Variants in FAM177A1 observed in about 807,000 individuals in gnomAD.
FAM177A1 encodes family with sequence similarity 177 member A1.
Under a neutral mutation model 26.1 loss-of-function variants are expected in FAM177A1, and 22 were observed. The observed-to-expected ratio is 0.84, with a 90% CI of 0.60 to 1.20. FAM177A1 has a LOEUF of 1.20. Among genes scored for constraint, FAM177A1 ranks in the 50% most tolerant of loss-of-function variants. The pLI, the probability that FAM177A1 is intolerant of heterozygous loss-of-function variation, is 0.00. For synonymous variants in FAM177A1, 95 were observed against 99.3 expected, an observed-to-expected ratio of 0.96 and a Z score of 0.26; for missense variants, 296 against 291.1, an observed-to-expected ratio of 1.02 and a Z score of -0.12.
At chr14:35,074,053 T>G (rs866013256) in intron 2 of FAM177A1, among the ~76,000 whole-genome samples, 1 of 152,264 alleles carries the variant, frequency 6.6e-6, no homozygotes, top group African/African-American at 2.4e-5. Context: ...AGCCATCCTT[T>G]GCTGGCATTA....
chr14:35,047,647 G>A (rs963396302), intron 1 of FAM177A1, among the ~76,000 whole-genome samples: 1 of 152,148 alleles, frequency 6.6e-6, no homozygotes, highest in Non-Finnish European at 1.5e-5. Context: ...TACTCGGGAG[G>A]CTGAGGCAGG....
chr14:35,081,084 T>A lies in FAM177A1; in HGVS notation c.567T>A (p.Asn189Lys). ...AAGCAGAAAAACAATATCAACAGAA[T>A]AAATTGCAGACTGATTCCATTGTTC... ...SEEAEKQYQQ[N>K]KLQTDSIVQT... Residue 189 changes from asparagine to lysine, a missense_variant, in exon 5 of 5, where the codon AAT becomes AAA. Asn to Lys is a moderately conservative substitution (Grantham distance 94). Coordinates refer to ENST00000280987, the MANE Select transcript of FAM177A1 (RefSeq NM_173607.5). 1 of 1,613,382 alleles carries A rather than the reference T, an allele frequency of 6.2e-7. No individual in the cohort carries two copies. Among genetic ancestry groups the A allele is most frequent in the Non-Finnish European group, 8.5e-7 (1 of 1,179,762 alleles).
intron 1 of FAM177A1, among the ~76,000 whole-genome samples, chr14:35,047,788 A>C (rs1252053095): frequency 1.3e-5 from 2 of 148,768 alleles, no homozygotes; most frequent in Admixed American, 6.7e-5. Context: ...ACAACAAAAA[A>C]AAAACCCTTG....
At chr14:35,076,168 A>G (rs1334337786) in intron 2 of FAM177A1, among the ~76,000 whole-genome samples, 1 of 152,204 alleles carries the variant, frequency 6.6e-6, no homozygotes, top group South Asian at 2.1e-4. Flanking sequence ...CACTATTCAC[A>G]ATAGCAAAGA....
chr14:35,077,404 C>T (rs2045412940), intron 3 of FAM177A1, among the ~76,000 whole-genome samples, 188 bp downstream of exon 3: 1 of 150,612 alleles, frequency 6.6e-6, no homozygotes, highest in African/African-American at 2.4e-5. Flanking sequence ...CTTCAGCTTC[C>T]AATATAGTTT....
Position 35,046,536 on chromosome 14 carries a change from G to C in FAM177A1, c.73G>C (p.Asp25His). The part of the protein sequence containing the change: ...ASSPVVATTM[D>H]QEPVGGVERG... ...CAGCCCTGTGGTGGCGACGACGATG[G>C]ACCAGGAGCCAGTGGGCGGTGTGGA... The change falls in exon 1 of 5, where the codon GAC (aspartate) becomes CAC (histidine). Residue 25 changes from aspartate to histidine, a missense_variant. Asp to His is a moderately conservative substitution (Grantham distance 81, BLOSUM62 -1). Coordinates refer to ENST00000280987, the MANE Select transcript of FAM177A1 (RefSeq NM_173607.5). 3 of 1,602,854 alleles carry C rather than the reference G, an allele frequency of 1.9e-6. No homozygotes were observed. Among genetic ancestry groups the C allele is most frequent in the Non-Finnish European group, 2.6e-6 (3 of 1,176,320 alleles).
intron 1 of FAM177A1, among the ~76,000 whole-genome samples, chr14:35,048,829 G>C (rs1012343464): frequency 2.0e-5 from 3 of 151,480 alleles, no homozygotes; most frequent in African/African-American, 7.3e-5. Context: ...GGGAGTAAGA[G>C]ATAGGAGATA....
rs2045501200 is a variant in FAM177A1 at position 35,082,546 on chromosome 14, C to G, written c.*1318C>G. 6.8e-6 allele frequency: 1 copy of G among 147,062 alleles called. No individual in the cohort carries two copies. The highest frequency in any genetic ancestry group is 1.5e-5 in the Non-Finnish European group (1 of 66,412). The allele number at this position is 147,062 out of a possible 1,614,324, so 9.1% of individuals were successfully genotyped here. ...AAAAGTATATATATATACACACACA[C>G]AGACACACACACACACACATATATC... On this transcript the variant is annotated 3_prime_UTR_variant, in exon 5 of 5. Coordinates refer to ENST00000280987, the MANE Select transcript of FAM177A1 (RefSeq NM_173607.5).
chr14:35,059,690 C>T (rs538604078), intron 2 of FAM177A1, among the ~76,000 whole-genome samples: 6 of 151,788 alleles, frequency 4.0e-5, no homozygotes, highest in African/African-American at 4.8e-5. Context: ...CACGCCACCA[C>T]GTCCTGCTAA....
In FAM177A1 at chr14:35,053,357, A is replaced by T. The variant is rs750313607; in HGVS notation, c.245A>T (p.His82Leu). The change falls in exon 2 of 5, where the codon CAC becomes CTC. Residue 82 changes from histidine to leucine, a missense_variant. Physicochemically the swap from His to Leu is moderately conservative, Grantham distance 99. Coordinates refer to ENST00000280987, the MANE Select transcript of FAM177A1 (RefSeq NM_173607.5). ...KKKKVPRRVI[H>L]FVSGETMEEY... is the part of the protein sequence containing the mutation. Reference sequence around the variant, plus strand: ...AAGAAAGTCCCAAGGAGAGTCATCCACTTTGTTAGTGGTGAAACAATGGAA... The same window carrying T: ...AAGAAAGTCCCAAGGAGAGTCATCCTCTTTGTTAGTGGTGAAACAATGGAA... The T allele has an allele frequency of 1.9e-6, 3 of 1,614,164 alleles. No individual in the cohort carries two copies. The highest frequency in any genetic ancestry group is 2.2e-5 in the South Asian group (2 of 91,090).
At chr14:35,053,487 C>A in intron 2 of FAM177A1, 36 bp downstream of exon 2, 1 of 1,599,808 alleles carries the variant, frequency 6.3e-7, no homozygotes. Context: ...CCTCAGTGGG[C>A]TTTGTTTTGA....
chr14:35,056,594 A>G (rs2045065600), intron 2 of FAM177A1, among the ~76,000 whole-genome samples: 1 of 152,012 alleles, frequency 6.6e-6, no homozygotes. Flanking sequence ...CCTGACCTCA[A>G]ATGATCCCCT....
At chr14:35,045,824 C>A (rs1455964720), upstream of FAM177A1, among the ~76,000 whole-genome samples, 2 of 152,198 alleles carry the variant, frequency 1.3e-5, no homozygotes, top group Non-Finnish European at 2.9e-5. Flanking sequence ...TGCTCTCCTT[C>A]AGGTCTTTTC....
chr14:35,077,221 T>C lies in FAM177A1; in HGVS notation c.406+5T>C. ...CTGCTACATCAACTCTCTCAGGTAT[T>C]GCTTTTCTGCTTGAATATTGTATAA... is the stretch of plus-strand genomic sequence containing the variant. On this transcript the variant is annotated splice_donor_5th_base_variant and intron_variant, in intron 3 of 4. Coordinates refer to ENST00000280987, the MANE Select transcript of FAM177A1 (RefSeq NM_173607.5). 6.2e-7 allele frequency: 1 copy of C among 1,612,848 alleles called. No individual in the cohort carries two copies. The highest frequency in any genetic ancestry group is 1.3e-5 in the African/African-American group (1 of 75,004).
chr14:35,079,358 A>C (rs1335531555), intron 4 of FAM177A1, among the ~76,000 whole-genome samples: 1 of 152,210 alleles, frequency 6.6e-6, no homozygotes, highest in Non-Finnish European at 1.5e-5. Flanking sequence ...CTTAGAGCAC[A>C]TGGACTGGAT....
At chr14:35,075,891 C>T (rs1182038990) in intron 2 of FAM177A1, among the ~76,000 whole-genome samples, 1 of 151,900 alleles carries the variant, frequency 6.6e-6, no homozygotes, top group Admixed American at 6.6e-5. Flanking sequence ...ATCAAAATCA[C>T]ATACCATCTC....
chr14:35,081,206 AT>A lies in FAM177A1; in HGVS notation c.690del (p.Pro231GlnfsTer10). 1 of 1,613,392 alleles carries A rather than the reference AT, an allele frequency of 6.2e-7. No individual in the cohort carries two copies. Among genetic ancestry groups the A allele is most frequent in the East Asian group, 2.2e-5 (1 of 44,782 alleles). ...GAAGTAATTATGGAAAGCAAGCAAA[AT>A]CCAGTCTCTGTCCCACCATAAAATG... ...DSEVIMESKQ[N>X]PVSVPP is the part of the protein sequence containing the mutation. On this transcript the variant is annotated frameshift_variant, in exon 5 of 5. Coordinates refer to ENST00000280987, the MANE Select transcript of FAM177A1 (RefSeq NM_173607.5). LOFTEE classifies it high-confidence loss of function.
At chr14:35,048,667 A>G (rs1321024668) in intron 1 of FAM177A1, among the ~76,000 whole-genome samples, 4 of 151,898 alleles carry the variant, frequency 2.6e-5, no homozygotes, top group Non-Finnish European at 5.9e-5. Flanking sequence ...ACATTCCTGA[A>G]TCAGAAACAT....
rs986614571 is a variant in FAM177A1 at position 35,082,053 on chromosome 14, T to C, written c.*825T>C. 1.3e-5 allele frequency: 2 copies of C among 152,128 alleles called. No homozygotes were observed. The highest frequency in any genetic ancestry group is 2.4e-5 in the African/African-American group (1 of 41,420). The allele number at this position is 152,128 out of a possible 1,614,324, so 9.4% of individuals were successfully genotyped here. ...TTAATCCATCAGGAGCAATTAGATA[T>C]TGTATAAGGTGCAATGATAGCCTAA... On this transcript the variant is annotated 3_prime_UTR_variant, in exon 5 of 5. Coordinates refer to ENST00000280987, the MANE Select transcript of FAM177A1 (RefSeq NM_173607.5).
Sources: gnomAD v4.1 joint callset for allele counts (sites outside exome capture counted in the v4.1 genomes callset) on GRCh38, gnomAD v4.1.1 for gene constraint, MANE v1.5 for transcripts, NCBI Gene and HGNC (gene_info 2026-07-23, HGNC 2026-07-21) for gene names.